The following CSMD1 variants were observed in gnomAD, a reference collection of about 807,000 sequenced individuals.
The protein encoded by CSMD1 is CUB and sushi domain-containing protein 1.
CSMD1 carries 213 observed loss-of-function variants against 417.5 expected under a neutral mutation model. The observed-to-expected ratio is 0.51, with a 90% CI of 0.46 to 0.57. CSMD1 has a LOEUF of 0.57. CSMD1 is among the 20% of genes least tolerant of loss of function. CSMD1 has a pLI of 0.00. For synonymous variants in CSMD1, 2,862 were observed against 1,736.8 expected (o/e 1.65, Z -16.11); for missense variants, 6,923 against 4,529.7 (o/e 1.53, Z -15.17).
intron 1 of CSMD1, among the ~76,000 whole-genome samples, chr8:4,725,539 TCC>T (rs1266268644): frequency 1.3e-5 from 2 of 152,126 alleles, no homozygotes; most frequent in South Asian, 2.1e-4. Context: ...CGAACTCCAT[TCC>T]AGGATATTTC....
chr8:3,701,499 G>C (rs1285948582), intron 7 of CSMD1, among the ~76,000 whole-genome samples: 1 of 100,628 alleles, frequency 9.9e-6, no homozygotes, highest in Non-Finnish European at 1.9e-5. Context: ...TCAGGATATA[G>C]GATTAAACCT....
At chr8:3,328,320 A>G (rs897504975) in intron 23 of CSMD1, among the ~76,000 whole-genome samples, 2 of 152,110 alleles carry the variant, frequency 1.3e-5, no homozygotes, top group Admixed American at 1.3e-4. Flanking sequence ...CTGCCTGCCT[A>G]TATGCTGCTT....
At chr8:4,500,146 T>C (rs1170689309) in intron 2 of CSMD1, among the ~76,000 whole-genome samples, 1 of 152,022 alleles carries the variant, frequency 6.6e-6, no homozygotes, top group Non-Finnish European at 1.5e-5. Flanking sequence ...GGAGAAGTTA[T>C]ACGAGGTGAA....
At chr8:3,960,890 C>A (rs899870453) in intron 5 of CSMD1, among the ~76,000 whole-genome samples, 1 of 151,960 alleles carries the variant, frequency 6.6e-6, no homozygotes, top group Non-Finnish European at 1.5e-5. Flanking sequence ...ATACAAAGCT[C>A]ATATCACAAA....
At chr8:3,951,663 T>C (rs1156546651) in intron 5 of CSMD1, among the ~76,000 whole-genome samples, 2 of 152,088 alleles carry the variant, frequency 1.3e-5, no homozygotes, top group African/African-American at 4.8e-5. Context: ...TTTTAAAAAT[T>C]AAAAAATAAA....
chr8:4,057,381 T>C (rs187524262), intron 3 of CSMD1, among the ~76,000 whole-genome samples: 150 of 148,532 alleles, frequency 1.0e-3, no homozygotes, highest in Non-Finnish European at 1.5e-3. Flanking sequence ...GATGGGGTTA[T>C]TTGTTTTTTT....
intron 8 of CSMD1, among the ~76,000 whole-genome samples, chr8:3,591,565 G>C (rs904076559): frequency 5.3e-5 from 8 of 152,262 alleles, no homozygotes; most frequent in African/African-American, 1.4e-4. Flanking sequence ...TTAGCTGTCC[G>C]CTGTTTACCA....
chr8:3,916,235 G>A (rs889961350), intron 5 of CSMD1, among the ~76,000 whole-genome samples: 1 of 152,040 alleles, frequency 6.6e-6, no homozygotes. Context: ...TCATTTATGA[G>A]GTGTAACGAA....
At position 3,443,044 on chromosome 8, in the gene CSMD1, A is replaced by G. The variant is rs139888199; in HGVS notation, c.1561+25668T>C. Among the ~76,000 whole-genome samples the G allele has an allele frequency of 8.9e-3, 1,363 of 152,306 alleles. 18 individuals carry two copies. Among genetic ancestry groups the G allele is most frequent in the African/African-American group, 0.03 (1,235 of 41,570 alleles). ...GTTTAAAATGATAATTACAATGAAT[A>G]TGAGTTTGTATATGTGACTAATTAT... On this transcript the variant is annotated intron_variant, in intron 12 of 69. Transcript: ENST00000635120.
chr8:4,126,869 A>C (rs1802793733), intron 3 of CSMD1, among the ~76,000 whole-genome samples: 1 of 152,124 alleles, frequency 6.6e-6, no homozygotes, highest in Non-Finnish European at 1.5e-5. Context: ...CAGTCCCAGG[A>C]CCACAGCATC....
In CSMD1 at chr8:3,063,061, G is replaced by A. The variant is rs1356103518; in HGVS notation, c.7475-10414C>T. Among the ~76,000 whole-genome samples, 4 of 152,050 alleles carry A rather than the reference G, an allele frequency of 2.6e-5. No individual in the cohort carries two copies. The South Asian group carries it at 8.3e-4, about 32-fold the overall frequency. On this transcript the variant is annotated intron_variant, in intron 49 of 69. Transcript: ENST00000635120. Reference sequence around the variant, plus strand: ...GGATGCCAACCACCAATGTCCTATGGAACCCAAGAGTCCCAGGCTCACTAA... The same window carrying A: ...GGATGCCAACCACCAATGTCCTATGAAACCCAAGAGTCCCAGGCTCACTAA...
At chr8:3,997,874 C>A in intron 5 of CSMD1, 29 bp downstream of exon 5, 2 of 1,589,904 alleles carry the variant, frequency 1.3e-6, no homozygotes, top group Non-Finnish European at 1.7e-6. Flanking sequence ...ACACCTGTAT[C>A]CTTTGTGGCA....
chr8:4,202,108 T>C (rs1262853365), intron 3 of CSMD1, among the ~76,000 whole-genome samples: 5 of 150,918 alleles, frequency 3.3e-5, no homozygotes, highest in Non-Finnish European at 7.4e-5. Context: ...TTTTTGTTAG[T>C]TTTTTTTTCT....
At chr8:4,896,311 C>T (rs191381369) in intron 1 of CSMD1, among the ~76,000 whole-genome samples, 5 of 152,158 alleles carry the variant, frequency 3.3e-5, no homozygotes, top group Admixed American at 3.3e-4. Flanking sequence ...TACATTCATG[C>T]TTTTCAATAT....
At chr8:3,289,767 T>G (rs1431638840) in intron 25 of CSMD1, among the ~76,000 whole-genome samples, 3 of 147,360 alleles carry the variant, frequency 2.0e-5, no homozygotes, top group African/African-American at 5.4e-5. Flanking sequence ...TTTCTCCCAT[T>G]CTGTAGGTTG....
In CSMD1 at chr8:4,073,722, T is replaced by G. The variant is rs768023281; in HGVS notation, c.416-41623A>C. The stretch of plus-strand genomic sequence containing the variant: ...ACCAACATGCAAATATTGACTTGTA[T>G]AGACACCAGCTGTTTTCCATTTCAG... On this transcript the variant is annotated intron_variant, in intron 3 of 69. Transcript: ENST00000635120. Among the ~76,000 whole-genome samples the G allele has an allele frequency of 3.3e-5, 5 of 152,288 alleles. No individual in the cohort carries two copies. In the South Asian group the frequency reaches 6.2e-4, roughly 19 times the overall value.
At chr8:4,942,414 T>G (rs1332563787) in intron 1 of CSMD1, among the ~76,000 whole-genome samples, 1 of 152,200 alleles carries the variant, frequency 6.6e-6, no homozygotes, top group East Asian at 1.9e-4. Flanking sequence ...ACTGGAGGAA[T>G]TCACAGTTAT....
chr8:3,816,912 T>C (rs1442973170), intron 5 of CSMD1, among the ~76,000 whole-genome samples: 1 of 152,186 alleles, frequency 6.6e-6, no homozygotes, highest in Non-Finnish European at 1.5e-5. Context: ...AAATTCTATA[T>C]GGTCCTCCCT....
chr8:3,110,470 C>T (rs1015889736), intron 42 of CSMD1, 135 bp from the exon 43 acceptor site: 2 of 680,966 alleles, frequency 2.9e-6, no homozygotes, highest in Non-Finnish European at 4.5e-6. Context: ...TCTGAATCAC[C>T]ATTTTGTCAA....
Sources: gnomAD v4.1 joint callset for allele counts (sites outside exome capture counted in the v4.1 genomes callset) on GRCh38, gnomAD v4.1.1 for gene constraint, MANE v1.5 for transcripts, NCBI Gene and HGNC (gene_info 2026-07-23, HGNC 2026-07-21) for gene names.